ARID1A: variants seen among roughly 807,000 people sequenced by gnomAD.
ARID1A encodes AT-rich interaction domain 1A, also known as AT-rich interactive domain-containing protein 1A.
In ARID1A, 20 loss-of-function variants were observed where a neutral mutation model predicts 212.6. That is an observed-to-expected ratio of 0.09 (90% CI 0.07 to 0.14). The LOEUF (loss-of-function observed/expected upper bound fraction) is 0.14. Ranked by LOEUF, ARID1A falls within the 10% of genes least tolerant of loss-of-function variation. The pLI is 1.00. For missense variants in ARID1A, 2,587 were observed against 3,059.0 expected (o/e 0.85, Z 3.64); for synonymous variants, 1,376 against 1,222.1 (o/e 1.13, Z -2.63).
Position 26,767,917 on chromosome 1 carries a change from C to T in ARID1A, c.3116C>T (p.Thr1039Ile), listed in dbSNP as rs750423886. ...ACTGAGGAGAAGGCCATGGGCATGA[C>T]AAATCTGCCTGCTGTGGGTAGGAAA... ...AFTEEKAMGM[T>I]NLPAVGRKPL... is the part of the protein sequence containing the mutation. Residue 1039 changes from threonine (T) to isoleucine (I), a missense_variant, in exon 11 of 20, where the codon ACA (threonine) becomes ATA (isoleucine). By Grantham distance (89) the Thr-to-Ile change is moderately conservative. Coordinates refer to ENST00000324856, the MANE Select transcript of ARID1A (RefSeq NM_006015.6). The T allele has an allele frequency of 6.2e-7, 1 of 1,614,146 alleles. No individual in the cohort carries two copies. The highest frequency in any genetic ancestry group is 2.2e-5 in the East Asian group (1 of 44,880).
rs762629447 is a variant in ARID1A at position 26,697,183 on chromosome 1, CTCG to C, written c.786_788del (p.Ser265del). 13 of 1,430,518 alleles carry C rather than the reference CTCG, an allele frequency of 9.1e-6. No individual in the cohort carries two copies. The highest frequency in any genetic ancestry group is 1.2e-5 in the Non-Finnish European group (13 of 1,097,930). The allele number at this position is 1,430,518 out of a possible 1,614,324, so 88.6% of individuals were successfully genotyped here. On this transcript the variant is annotated inframe_deletion, in exon 1 of 20. Coordinates refer to ENST00000324856, the MANE Select transcript of ARID1A (RefSeq NM_006015.6). ...CTCCCTCCTCCAGCGCCTCCGCCTC[CTCG>C]TCGTCTTCGTCCTTCGCTCAGCAGC... is the stretch of plus-strand genomic sequence containing the variant.
intron 4 of ARID1A, among the ~76,000 whole-genome samples, chr1:26,741,622 C>T (rs1319341643): frequency 1.3e-5 from 2 of 152,090 alleles, no homozygotes; most frequent in South Asian, 4.1e-4. Flanking sequence ...GGACGCTATA[C>T]CCTTGGCTGA....
chr1:26,739,424 A>C (rs1300349570), intron 4 of ARID1A, among the ~76,000 whole-genome samples: 1 of 152,150 alleles, frequency 6.6e-6, no homozygotes. Flanking sequence ...CATTTCTAAC[A>C]AGCTCTGAAG....
intron 1 of ARID1A, among the ~76,000 whole-genome samples, chr1:26,707,292 TC>T (rs2080402528): frequency 7.4e-6 from 1 of 134,980 alleles, no homozygotes; most frequent in African/African-American, 2.8e-5. Flanking sequence ...CACTGCAACC[TC>T]CGTCTCCCAG....
intron 1 of ARID1A, among the ~76,000 whole-genome samples, chr1:26,701,403 A>G (rs1364369454): frequency 2.0e-5 from 3 of 152,228 alleles, no homozygotes; most frequent in African/African-American, 7.2e-5. Flanking sequence ...ATTGGTCATT[A>G]TCATTACTGA....
chr1:26,779,990 A>T lies in ARID1A; in HGVS notation c.6092A>T (p.Tyr2031Phe), dbSNP rs2124145721. The T allele has an allele frequency of 6.2e-7, 1 of 1,614,156 alleles. No individual in the cohort carries two copies. The highest frequency in any genetic ancestry group is 8.5e-7 in the Non-Finnish European group (1 of 1,180,008). ...GAACGGAAGCAGGCACCACTAACTT[A>T]TGAAAAGGAGGAGGAACAGGACCAA... is the stretch of plus-strand genomic sequence containing the variant. The part of the protein sequence containing the change: ...HPERKQAPLT[Y>F]EKEEEQDQGV... The change falls in exon 20 of 20, where the codon TAT becomes TTT. Residue 2031 changes from tyrosine (Y) to phenylalanine (F), a missense_variant. This residue lies in a region of ARID1A where 168 missense variants were observed against 321.0 expected (regional missense o/e 0.52). Coordinates refer to ENST00000324856, the MANE Select transcript of ARID1A (RefSeq NM_006015.6).
chr1:26,749,361 G>A (rs2080865316), intron 4 of ARID1A, among the ~76,000 whole-genome samples: 1 of 152,012 alleles, frequency 6.6e-6, no homozygotes, highest in Non-Finnish European at 1.5e-5. Flanking sequence ...TGTGTTTGGT[G>A]TTTGTTTTAT....
rs1479178017 is a variant in ARID1A, at chr1:26,780,934, C to T, written c.*178C>T. ...TCTCTCCTCCTTCCACCTCCCCTCC[C>T]TCCATCACCTCACGCCTTTCTGTTC... On this transcript the variant is annotated 3_prime_UTR_variant, in exon 20 of 20. Transcript: ENST00000324856. The surrounding 1 kb of genome is among the most constrained non-coding windows in gnomAD (Gnocchi z 7.2). 3.6e-6 allele frequency: 3 copies of T among 838,218 alleles called. No homozygotes were observed. The highest frequency in any genetic ancestry group is 5.4e-6 in the Non-Finnish European group (3 of 559,746). 51.9% of individuals were successfully genotyped at this position (838,218 alleles called of 1,614,324 possible).
rs1553146186 is a variant in ARID1A, at chr1:26,697,420, T to TGCGGCGGCGGCAGCTGCG, written c.1026_1043dup (p.Ala344_Ala349dup). On this transcript the variant is annotated inframe_insertion, in exon 1 of 20. Transcript: ENST00000324856. ...ACATGGCCTCGCAGTGTTGGGGGGC[T>TGCGGCGGCGGCAGCTGCG]GCGGCGGCGGCAGCTGCGGCGGCGG... 8.2e-6 allele frequency: 11 copies of TGCGGCGGCGGCAGCTGCG among 1,345,166 alleles called. No homozygotes were observed. The highest frequency in any genetic ancestry group is 1.6e-5 in the African/African-American group (1 of 64,474). 83.3% of individuals were successfully genotyped at this position (1,345,166 alleles called of 1,614,324 possible).
intron 5 of ARID1A, 108 bp from the exon 6 acceptor site, chr1:26,761,276 G>T: frequency 6.9e-7 from 1 of 1,459,648 alleles, no homozygotes; most frequent in Non-Finnish European, 9.4e-7. Flanking sequence ...TGTGATACTG[G>T]GAGGTACTTG....
intron 4 of ARID1A, chr1:26,753,130 G>A (rs1490313669): frequency 6.6e-6 from 1 of 152,068 alleles, no homozygotes; most frequent in African/African-American, 2.4e-5. Context: ...ACCCTGATCT[G>A]GTGTCTTCCT....
chr1:26,759,685 T>C (rs1341480166), intron 4 of ARID1A, among the ~76,000 whole-genome samples: 1 of 152,238 alleles, frequency 6.6e-6, no homozygotes, highest in African/African-American at 2.4e-5. Flanking sequence ...GAGCTCCTGT[T>C]TGCTAATACT....
Position 26,702,942 on chromosome 1 carries a change from A to G in ARID1A, c.1137+5402A>G, listed in dbSNP as rs149757147. On this transcript the variant is annotated intron_variant, in intron 1 of 19. Transcript: ENST00000324856. ...CTTGGCTTATGAGACTTTGAGGTTTAAAGGGTAGCTTGGTGAGATTATTTT... is the reference window on the plus strand; with the variant it reads ...CTTGGCTTATGAGACTTTGAGGTTTGAAGGGTAGCTTGGTGAGATTATTTT... 1.7e-3 allele frequency among the ~76,000 whole-genome samples: 259 copies of G among 152,338 alleles called. 3 individuals carry two copies. The highest frequency in any genetic ancestry group is 5.8e-3 in the African/African-American group (243 of 41,582).
Position 26,774,998 on chromosome 1 carries a change from C to T in ARID1A, c.4771C>T (p.Leu1591=), listed in dbSNP as rs750144473. The stretch of plus-strand genomic sequence containing the variant: ...TCCTCAGGTATCCAGCCCTGCTCCC[C>T]TGCCCCGGCCAATGGAGAACCGCAC... ...HIPQVSSPAP[L]PRPMENRTSP... Residue 1591 remains leucine (L), a synonymous_variant, in exon 18 of 20, where the codon CTG becomes TTG. Transcript: ENST00000324856. This position sits in a 1 kb window ranked among gnomAD's most constrained non-coding sequence, Gnocchi z 5.6. 48 of 1,561,946 alleles carry T rather than the reference C, an allele frequency of 3.1e-5. No homozygotes were observed. The highest frequency in any genetic ancestry group is 5.7e-5 in the Admixed American group (3 of 52,744).
chr1:26,745,195 A>T (rs1428807456), intron 4 of ARID1A, among the ~76,000 whole-genome samples: 1 of 152,132 alleles, frequency 6.6e-6, no homozygotes, highest in Non-Finnish European at 1.5e-5. Flanking sequence ...CCTAGATTTG[A>T]CCTACCAGGG....
chr1:26,706,159 T>C (rs1214550647), intron 1 of ARID1A, among the ~76,000 whole-genome samples: 4 of 152,228 alleles, frequency 2.6e-5, no homozygotes, highest in Non-Finnish European at 4.4e-5. Flanking sequence ...TGCCTTTTTT[T>C]CTCTCTTTTG....
intron 1 of ARID1A, among the ~76,000 whole-genome samples, chr1:26,719,941 C>CAAA (rs1213565550): frequency 2.0e-5 from 1 of 49,698 alleles, no homozygotes; most frequent in African/African-American, 7.6e-5. Flanking sequence ...AAGTCCGTCT[C>CAAA]AAAAAAAAAA....
chr1:26,769,859 C>T (rs1195103892), intron 11 of ARID1A: 5 of 152,152 alleles, frequency 3.3e-5, no homozygotes, highest in Non-Finnish European at 7.3e-5. Context: ...GTCAGTGTGC[C>T]CTGAAGCTGA....
At chr1:26,773,779 CTG>C in intron 16 of ARID1A, 21 bp from the exon 17 acceptor site, 1 of 1,614,200 alleles carries the variant, frequency 6.2e-7, no homozygotes, top group Non-Finnish European at 8.5e-7. Context: ...CACCCTAATC[CTG>C]TGTTTCTTTG....
Sources: allele counts gnomAD v4.1 joint callset (sites outside exome capture counted in the v4.1 genomes callset), GRCh38; gene constraint gnomAD v4.1.1; regional missense constraint gnomAD v4.1.1; non-coding constraint Gnocchi (gnomAD v3.1); transcripts MANE v1.5; gene names NCBI Gene and HGNC (gene_info 2026-07-23, HGNC 2026-07-21).